MCTP1: variants seen among roughly 807,000 people sequenced by gnomAD.
MCTP1 encodes multiple C2 and transmembrane domain-containing protein 1.
A neutral mutation model predicts 120.6 loss-of-function variants in MCTP1; 69 were observed. The observed-to-expected ratio is 0.57, with a 90% CI of 0.47 to 0.70. The LOEUF is 0.70. Ranked by LOEUF, MCTP1 falls within the 30% of genes least tolerant of loss-of-function variation. MCTP1 has a pLI of 0.00. For synonymous variants in MCTP1, 529 were observed against 493.1 expected (o/e 1.07, Z -0.96); for missense variants, 1,203 against 1,248.8 (o/e 0.96, Z 0.55).
chr5:95,174,828 G>A (rs1037926200), intron 1 of MCTP1, among the ~76,000 whole-genome samples: 1 of 152,120 alleles, frequency 6.6e-6, no homozygotes, highest in Admixed American at 6.5e-5. Context: ...TCTCCACAAA[G>A]CAATAGGATA....
intron 4 of MCTP1, among the ~76,000 whole-genome samples, chr5:94,941,879 G>A (rs1450234701): frequency 6.6e-6 from 1 of 152,018 alleles, no homozygotes; most frequent in African/African-American, 2.4e-5. Flanking sequence ...GCATTCCTTG[G>A]TAATCCGGCA....
At chr5:94,889,670 C>T (rs906229148) in intron 11 of MCTP1, among the ~76,000 whole-genome samples, 2 of 151,594 alleles carry the variant, frequency 1.3e-5, no homozygotes, top group African/African-American at 2.4e-5. Context: ...AGAATGGAAA[C>T]GTTGATGCTG....
At chr5:95,178,860 G>T (rs1748304113) in intron 1 of MCTP1, among the ~76,000 whole-genome samples, 1 of 152,082 alleles carries the variant, frequency 6.6e-6, no homozygotes, top group African/African-American at 2.4e-5. Context: ...AATTCAGAAG[G>T]CCCATTATTA....
chr5:94,954,374 A>C lies in MCTP1; in HGVS notation c.839-1013T>G, dbSNP rs904178013. ...ACAATTGGTACACATGAAGACAAAG[A>C]ATGGAAAAATAGACACTGGAGATTC... is the stretch of plus-strand genomic sequence containing the variant. On this transcript the variant is annotated intron_variant, in intron 2 of 22. Coordinates refer to ENST00000515393, the MANE Select transcript of MCTP1 (RefSeq NM_024717.7). Among the ~76,000 whole-genome samples the C allele has an allele frequency of 4.0e-5, 6 of 151,636 alleles. No homozygotes were observed. The East Asian group carries it at 1.2e-3, about 30-fold the overall frequency.
At chr5:94,861,880 G>A (rs1795871170) in intron 17 of MCTP1, among the ~76,000 whole-genome samples, 1 of 151,778 alleles carries the variant, frequency 6.6e-6, no homozygotes, top group South Asian at 2.1e-4. Context: ...TACCAGATAA[G>A]TAATGCAAGG....
intron 22 of MCTP1, 42 bp downstream of exon 22, chr5:94,708,470 T>C: frequency 8.2e-7 from 1 of 1,221,216 alleles, no homozygotes; most frequent in Non-Finnish European, 1.2e-6. Flanking sequence ...CATGCCACAC[T>C]ACATTAAAAT....
intron 18 of MCTP1, among the ~76,000 whole-genome samples, chr5:94,780,279 TG>T (rs1444342313): frequency 1.6e-4 from 24 of 145,514 alleles, no homozygotes; most frequent in Admixed American, 8.3e-4. Flanking sequence ...GTTTTTTTTT[TG>T]ATACAAACAG....
At chr5:95,132,380 C>A (rs1759110886) in intron 1 of MCTP1, among the ~76,000 whole-genome samples, 1 of 152,220 alleles carries the variant, frequency 6.6e-6, no homozygotes, top group East Asian at 1.9e-4. Flanking sequence ...AGCAAAGTGA[C>A]ACTTCTTTGT....
At chr5:94,781,730 A>G (rs1479316502) in intron 18 of MCTP1, among the ~76,000 whole-genome samples, 2 of 152,176 alleles carry the variant, frequency 1.3e-5, no homozygotes, top group Non-Finnish European at 2.9e-5. Flanking sequence ...AAAGAGGTCT[A>G]CAGAATCAGG....
rs180708274 is a variant in MCTP1, at chr5:94,749,644, G to A, written c.2610+29466C>T. Reference sequence around the variant, plus strand: ...CACTCCAGCCTGGGTGACAGAGCAAGACTTCATCTCAAAAAAAAAAAAAAA... The same window carrying A: ...CACTCCAGCCTGGGTGACAGAGCAAAACTTCATCTCAAAAAAAAAAAAAAA... On this transcript the variant is annotated intron_variant, in intron 19 of 22. Transcript: ENST00000515393. Among the ~76,000 whole-genome samples, 59 of 83,810 alleles carry A rather than the reference G, an allele frequency of 7.0e-4. No individual in the cohort carries two copies. In the East Asian group the frequency reaches 0.02, roughly 29 times the overall value. The allele number at this position is 83,810 out of a possible 152,430, so 55.0% of individuals were successfully genotyped here. A position where few individuals can be genotyped will look rare whatever the true frequency, so the allele number is the denominator to read the frequency against.
At chr5:95,007,183 C>T (rs1195869376) in intron 2 of MCTP1, among the ~76,000 whole-genome samples, 2 of 152,124 alleles carry the variant, frequency 1.3e-5, no homozygotes, top group Non-Finnish European at 2.9e-5. Context: ...ATCATGAGAA[C>T]AGCATGAGGG....
intron 1 of MCTP1, among the ~76,000 whole-genome samples, chr5:95,065,809 C>T (rs55698765): frequency 0.07 from 10,626 of 152,054 alleles, 404 homozygotes; most frequent in African/African-American, 0.092. Flanking sequence ...AGTATCCACA[C>T]GCAGAAGAAT....
chr5:94,805,109 G>A (rs1049236192), intron 17 of MCTP1, among the ~76,000 whole-genome samples: 4 of 151,866 alleles, frequency 2.6e-5, no homozygotes, highest in African/African-American at 7.3e-5. Context: ...AAGCTTGTTC[G>A]GAATTAGCAG....
At chr5:95,147,394 C>T (rs952444264) in intron 1 of MCTP1, among the ~76,000 whole-genome samples, 2 of 152,120 alleles carry the variant, frequency 1.3e-5, no homozygotes, top group Non-Finnish European at 2.9e-5. Context: ...CTATTGGGTG[C>T]TTATTTATTT....
chr5:95,127,646 T>C (rs1445599459), intron 1 of MCTP1, among the ~76,000 whole-genome samples: 1 of 152,098 alleles, frequency 6.6e-6, no homozygotes, highest in African/African-American at 2.4e-5. Context: ...GGGGTCAGTG[T>C]CCAGGAAAAA....
At chr5:94,900,617 C>G (rs1805259153) in intron 10 of MCTP1, among the ~76,000 whole-genome samples, 1 of 152,140 alleles carries the variant, frequency 6.6e-6, no homozygotes, top group African/African-American at 2.4e-5. Flanking sequence ...GAGATTCAGC[C>G]CCTTCTAAAC....
At chr5:94,836,335 G>A (rs1479613691) in intron 17 of MCTP1, among the ~76,000 whole-genome samples, 1 of 152,090 alleles carries the variant, frequency 6.6e-6, no homozygotes, top group East Asian at 1.9e-4. Context: ...GTCCTCCAGG[G>A]CTTACTATAC....
chr5:95,152,334 C>T (rs1050723702), intron 1 of MCTP1, among the ~76,000 whole-genome samples: 3 of 152,170 alleles, frequency 2.0e-5, no homozygotes, highest in Non-Finnish European at 4.4e-5. Context: ...GGGCAGGAAG[C>T]CTTAGGCACG....
At chr5:94,978,739 T>C (rs1400952067) in intron 2 of MCTP1, among the ~76,000 whole-genome samples, 1 of 152,050 alleles carries the variant, frequency 6.6e-6, no homozygotes, top group Non-Finnish European at 1.5e-5. Flanking sequence ...GGGCATAAAG[T>C]CTCAATTACA....
Sources: gnomAD v4.1 joint callset for allele counts (sites outside exome capture counted in the v4.1 genomes callset) on GRCh38, gnomAD v4.1.1 for gene constraint, MANE v1.5 for transcripts, NCBI Gene and HGNC (gene_info 2026-07-23, HGNC 2026-07-21) for gene names.